Variants in SPAST observed in about 807,000 individuals in gnomAD.
SPAST encodes spastin.
A neutral mutation model predicts 76.6 loss-of-function variants in SPAST; 30 were observed. The observed-to-expected ratio is 0.39, with a 90% CI of 0.29 to 0.53. The LOEUF (loss-of-function observed/expected upper bound fraction) is 0.53. SPAST is among the 20% of genes least tolerant of loss of function. The pLI, the probability that SPAST is intolerant of heterozygous loss-of-function variation, is 0.68. For missense variants in SPAST, 717 were observed against 770.5 expected (o/e 0.93, Z 0.82); for synonymous variants, 305 against 281.0 (o/e 1.09, Z -0.86).
chr2:32,066,706 G>T (rs1190179306), intron 1 of SPAST, among the ~76,000 whole-genome samples: 1 of 151,968 alleles, frequency 6.6e-6, no homozygotes, highest in Non-Finnish European at 1.5e-5. Context: ...GGGCACGGTG[G>T]CTCATGCCTG....
rs201733642 is a variant in SPAST at position 32,154,737 on chromosome 2, AAGTT to A, written c.*244_*247del. The A allele has an allele frequency of 3.3e-3, 1,614 of 491,156 alleles. 24 individuals carry two copies. Among genetic ancestry groups the A allele is most frequent in the African/African-American group, 0.028 (1,466 of 51,582 alleles). 30.4% of individuals were successfully genotyped at this position (491,156 alleles called of 1,614,324 possible). A position where few individuals can be genotyped will look rare whatever the true frequency, so the allele number is the denominator to read the frequency against. On this transcript the variant is annotated 3_prime_UTR_variant, in exon 17 of 17. Transcript: ENST00000315285. Reference sequence around the variant, plus strand: ...GGTCACAGTTATCCCAATGGACACTAAGTTAGAGCACAACAAAACCTGATTCTGG... The same window carrying A: ...GGTCACAGTTATCCCAATGGACACTAAGAGCACAACAAAACCTGATTCTGG...
intron 4 of SPAST, among the ~76,000 whole-genome samples, chr2:32,108,591 A>G (rs551663480): frequency 6.6e-6 from 1 of 151,766 alleles, no homozygotes; most frequent in Non-Finnish European, 1.5e-5. Flanking sequence ...AGTTGGGACT[A>G]CAGGTGGGCA....
At chr2:32,098,658 T>C in intron 3 of SPAST, 138 bp from the exon 4 acceptor site, 2 of 593,558 alleles carry the variant, frequency 3.4e-6, no homozygotes. Context: ...TAATTTTATA[T>C]AAATGCAAAA....
At chr2:32,067,758 C>CTT (rs11285790) in intron 1 of SPAST, among the ~76,000 whole-genome samples, 289 of 140,650 alleles carry the variant, frequency 2.1e-3, no homozygotes, top group African/African-American at 5.7e-3. Flanking sequence ...AAGTGATCCT[C>CTT]TTTTTTTTTT....
chr2:32,083,251 C>A (rs1195301187), intron 1 of SPAST, among the ~76,000 whole-genome samples: 1 of 152,052 alleles, frequency 6.6e-6, no homozygotes, highest in Non-Finnish European at 1.5e-5. Flanking sequence ...CCACCATGCC[C>A]ATCCTCCTGT....
At chr2:32,112,012 G>GTAGT (rs767404915) in intron 4 of SPAST, among the ~76,000 whole-genome samples, 4 of 94,672 alleles carry the variant, frequency 4.2e-5, no homozygotes, top group South Asian at 3.1e-4. Flanking sequence ...AGTAGTAGTA[G>GTAGT]TTTTTTTTTT....
At chr2:32,152,615 C>G (rs1013719690) in intron 16 of SPAST, among the ~76,000 whole-genome samples, 2 of 151,996 alleles carry the variant, frequency 1.3e-5, no homozygotes, top group East Asian at 3.9e-4. Context: ...ATGTTTAATA[C>G]CCATGTTACA....
chr2:32,136,755 TTAAAGACTATCTAA>T, intron 10 of SPAST, 108 bp from the exon 11 acceptor site: 1 of 1,219,824 alleles, frequency 8.2e-7, no homozygotes, highest in Non-Finnish European at 1.2e-6. Context: ...AAGGGCAAGC[TTAAAGACTATCTAA>T]TGAATTTAGT....
intron 1 of SPAST, among the ~76,000 whole-genome samples, chr2:32,064,615 C>T (rs1263360896): frequency 1.3e-5 from 2 of 152,066 alleles, no homozygotes. Flanking sequence ...ACCAAGGTTT[C>T]CAAAAGGTTT....
At chr2:32,141,842 T>C in intron 12 of SPAST, 62 bp from the exon 13 acceptor site, 1 of 1,297,590 alleles carries the variant, frequency 7.7e-7, no homozygotes, top group Non-Finnish European at 1.1e-6. Context: ...TTTCCTGTCA[T>C]TTGCTGTTTC....
chr2:32,117,346 A>G lies in SPAST; in HGVS notation c.1098+1134A>G, dbSNP rs188081063. Reference sequence around the variant, plus strand: ...CAGGCAGGTAGTGGCCCCTGACACAATGAGTTTTCCCAGAATTGGATTGCT... The same window carrying G: ...CAGGCAGGTAGTGGCCCCTGACACAGTGAGTTTTCCCAGAATTGGATTGCT... On this transcript the variant is annotated intron_variant, in intron 7 of 16. Transcript: ENST00000315285. Among the ~76,000 whole-genome samples, 7 of 152,258 alleles carry G rather than the reference A, an allele frequency of 4.6e-5. No homozygotes were observed. In the South Asian group the frequency reaches 6.2e-4, roughly 14 times the overall value.
intron 1 of SPAST, among the ~76,000 whole-genome samples, chr2:32,078,735 T>G (rs553492842): frequency 2.1e-4 from 32 of 152,330 alleles, no homozygotes; most frequent in African/African-American, 7.5e-4. Flanking sequence ...ACTAATAAGT[T>G]TCTTAACTTT....
chr2:32,089,218 TAAGTAGAGACCAGA>T (rs1677614934), intron 2 of SPAST, among the ~76,000 whole-genome samples: 2 of 129,974 alleles, frequency 1.5e-5, no homozygotes, highest in Non-Finnish European at 3.2e-5. Context: ...TTTTTTTTTT[TAAGTAGAGACCAGA>T]TCTCTTTATG....
At chr2:32,105,099 T>C (rs1320819610) in intron 4 of SPAST, among the ~76,000 whole-genome samples, 1 of 152,218 alleles carries the variant, frequency 6.6e-6, no homozygotes, top group Non-Finnish European at 1.5e-5. Flanking sequence ...CCGTCAGACA[T>C]AGATTTGGTC....
intron 4 of SPAST, among the ~76,000 whole-genome samples, chr2:32,111,970 TTAGTAGTAGTAGTAGTAG>T (rs55815291): frequency 5.0e-5 from 7 of 141,270 alleles, no homozygotes; most frequent in African/African-American, 7.8e-5. Flanking sequence ...TATAATTAAG[TTAGTAGTAGTAGTAGTAG>T]TAGTAGTAGT....
intron 12 of SPAST, among the ~76,000 whole-genome samples, chr2:32,138,036 C>T (rs901141808): frequency 6.6e-5 from 10 of 152,088 alleles, no homozygotes; most frequent in African/African-American, 2.2e-4. Context: ...ATGGTGTGTA[C>T]GTACCACATT....
At chr2:32,088,099 G>A (rs957417863) in intron 2 of SPAST, among the ~76,000 whole-genome samples, 6 of 151,866 alleles carry the variant, frequency 4.0e-5, no homozygotes, top group Admixed American at 2.0e-4. Context: ...CGTTGGCCAG[G>A]CTGGTTTCGA....
intron 15 of SPAST, among the ~76,000 whole-genome samples, 187 bp downstream of exon 15, chr2:32,145,194 G>T (rs1428710688): frequency 6.6e-6 from 1 of 152,082 alleles, no homozygotes; most frequent in Non-Finnish European, 1.5e-5. Context: ...CCAGGCTCAG[G>T]TGATTCTCCC....
intron 1 of SPAST, among the ~76,000 whole-genome samples, chr2:32,073,971 A>G (rs1676852189): frequency 6.6e-6 from 1 of 152,184 alleles, no homozygotes; most frequent in Admixed American, 6.5e-5. Context: ...CCCTCCAGTC[A>G]GCGATCTCCA....
Sources: allele counts gnomAD v4.1 joint callset (sites outside exome capture counted in the v4.1 genomes callset), GRCh38; gene constraint gnomAD v4.1.1; transcripts MANE v1.5; gene names NCBI Gene and HGNC (gene_info 2026-07-23, HGNC 2026-07-21).